Variants in GREM2 observed in about 807,000 individuals in gnomAD.
GREM2 encodes gremlin-2.
Under a neutral mutation model 14.2 loss-of-function variants are expected in GREM2, and 11 were observed. The observed-to-expected ratio is 0.78, with a 90% confidence interval of 0.49 to 1.28. GREM2 has a LOEUF of 1.28. Among genes scored for constraint, GREM2 ranks in the 50% most tolerant of loss-of-function variants. GREM2 has a pLI of 0.00. For missense variants in GREM2, 210 were observed against 218.5 expected, an observed-to-expected ratio of 0.96 and a Z score of 0.24; for synonymous variants, 98 against 97.6, an observed-to-expected ratio of 1.00 and a Z score of -0.02.
At chr1:240,533,194 T>C (rs1678402690) in intron 1 of GREM2, among the ~76,000 whole-genome samples, 1 of 152,086 alleles carries the variant, frequency 6.6e-6, no homozygotes, top group East Asian at 1.9e-4. Flanking sequence ...AAAATGAAAA[T>C]CACTTCCTAT....
intron 1 of GREM2, among the ~76,000 whole-genome samples, chr1:240,555,664 A>T (rs746488973): frequency 6.6e-6 from 1 of 152,216 alleles, no homozygotes; most frequent in Non-Finnish European, 1.5e-5. Flanking sequence ...CATATTTTGG[A>T]TGTAGATGAT....
rs147313929 is a variant in GREM2, at chr1:240,549,277, G to A, written c.-1-55801C>T. Among the ~76,000 whole-genome samples, 118 of 151,518 alleles carry A rather than the reference G, an allele frequency of 7.8e-4. 2 individuals carry two copies. In the East Asian group the frequency reaches 0.015, roughly 19 times the overall value. ...CTTGAACCTGGGAGGCGGAGGTTGC[G>A]GTGAGCCAAGATCACACCATTACAC... On this transcript the variant is annotated intron_variant, in intron 1 of 1. Transcript: ENST00000318160.
intron 1 of GREM2, among the ~76,000 whole-genome samples, chr1:240,521,545 T>C (rs537677462): frequency 1.3e-5 from 2 of 151,862 alleles, no homozygotes. Context: ...CACTCCAGCC[T>C]GGGCGACAGT....
rs949924561 is a variant in GREM2 at position 240,543,479 on chromosome 1, T to C, written c.-1-50003A>G. On this transcript the variant is annotated intron_variant, in intron 1 of 1. Coordinates refer to ENST00000318160, the MANE Select transcript of GREM2 (RefSeq NM_022469.4). The surrounding 1 kb of genome is among the most constrained non-coding windows in gnomAD (Gnocchi z 6.4). Reference sequence around the variant, plus strand: ...ATCAGATCTGGTGAGACTTATTCACTACCATGATAACAGTAGGGGGGAAAC... The same window carrying C: ...ATCAGATCTGGTGAGACTTATTCACCACCATGATAACAGTAGGGGGGAAAC... Among the ~76,000 whole-genome samples the C allele has an allele frequency of 1.6e-4, 24 of 152,232 alleles. No individual in the cohort carries two copies. Among genetic ancestry groups the C allele is most frequent in the African/African-American group, 5.8e-4 (24 of 41,536 alleles).
At chr1:240,547,558 C>T (rs7542032) in intron 1 of GREM2, among the ~76,000 whole-genome samples, 72,813 of 141,998 alleles carry the variant, frequency 0.51, 19,886 homozygotes, top group African/African-American at 0.74. Flanking sequence ...GATAGATAGA[C>T]AGATAGATAT....
intron 1 of GREM2, among the ~76,000 whole-genome samples, chr1:240,568,964 T>C (rs574953682): frequency 6.6e-5 from 10 of 152,166 alleles, no homozygotes; most frequent in East Asian, 5.8e-4. Flanking sequence ...GGTAGGAGGA[T>C]TGCTTGAACC....
intron 1 of GREM2, among the ~76,000 whole-genome samples, chr1:240,521,879 A>C (rs887413618): frequency 1.3e-5 from 2 of 152,068 alleles, no homozygotes; most frequent in African/African-American, 2.4e-5. Flanking sequence ...TGGAAGGCCG[A>C]GGTGGGCAGA....
At position 240,492,130 on chromosome 1, in the gene GREM2, A is replaced by G. The variant is rs544265992; in HGVS notation, c.*839T>C. ...ATGAATAGGTCTATAATACTTTTTAACAGCTCTTTACAATATACGGTCACT... is the reference window on the plus strand; with the variant it reads ...ATGAATAGGTCTATAATACTTTTTAGCAGCTCTTTACAATATACGGTCACT... On this transcript the variant is annotated 3_prime_UTR_variant, in exon 2 of 2. Transcript: ENST00000318160. 2.8e-6 allele frequency: 1 copy of G among 359,916 alleles called. No homozygotes were observed. The highest frequency in any genetic ancestry group is 5.9e-6 in the Non-Finnish European group (1 of 170,452). 22.3% of individuals were successfully genotyped at this position (359,916 alleles called of 1,614,324 possible).
At chr1:240,601,810 G>A (rs1016761534) in intron 1 of GREM2, among the ~76,000 whole-genome samples, 1 of 151,864 alleles carries the variant, frequency 6.6e-6, no homozygotes, top group Non-Finnish European at 1.5e-5. Flanking sequence ...TGGAGGCTGA[G>A]GCAGGAGAAT....
chr1:240,498,283 G>A (rs1677478603), intron 1 of GREM2, among the ~76,000 whole-genome samples: 1 of 152,212 alleles, frequency 6.6e-6, no homozygotes, highest in Admixed American at 6.5e-5. Context: ...TTCAGGAAGG[G>A]GGAAAAGTGG....
intron 1 of GREM2, among the ~76,000 whole-genome samples, chr1:240,566,574 T>C (rs1398066211): frequency 6.6e-6 from 1 of 152,174 alleles, no homozygotes; most frequent in South Asian, 2.1e-4. Context: ...GGTGCAGTGA[T>C]CTTCAGAAAG....
intron 1 of GREM2, among the ~76,000 whole-genome samples, chr1:240,548,675 C>T (rs77080187): frequency 0.011 from 1,599 of 151,738 alleles, 27 homozygotes; most frequent in African/African-American, 0.037. Flanking sequence ...AGAGTGAGTT[C>T]GAGACTAAAG....
At chr1:240,507,299 CCCTT>C (rs1218216201) in intron 1 of GREM2, among the ~76,000 whole-genome samples, 1 of 148,754 alleles carries the variant, frequency 6.7e-6, no homozygotes, top group Non-Finnish European at 1.5e-5. Flanking sequence ...CTCCCTCCCT[CCCTT>C]CCTTCCTTCC....
chr1:240,599,978 C>T (rs2102870040), intron 1 of GREM2, among the ~76,000 whole-genome samples: 1 of 152,278 alleles, frequency 6.6e-6, no homozygotes, highest in East Asian at 1.9e-4. Context: ...ATGATTTCTC[C>T]CCCAGTCTGG....
In GREM2 at chr1:240,542,372, A is replaced by C. The variant is rs1391298478; in HGVS notation, c.-1-48896T>G. Among the ~76,000 whole-genome samples, 3 of 149,934 alleles carry C rather than the reference A, an allele frequency of 2.0e-5. No homozygotes were observed. Among genetic ancestry groups the C allele is most frequent in the African/African-American group, 7.4e-5 (3 of 40,638 alleles). ...CTAATCCCAGTACTTTGGGAGGCCG[A>C]GGTGGGCAGATCACTTGCGGCCAGG... is the stretch of plus-strand genomic sequence containing the variant. On this transcript the variant is annotated intron_variant, in intron 1 of 1. Coordinates refer to ENST00000318160, the MANE Select transcript of GREM2 (RefSeq NM_022469.4). This position sits in a 1 kb window ranked among gnomAD's most constrained non-coding sequence, Gnocchi z 4.1.
chr1:240,603,114 C>T (rs186176069), intron 1 of GREM2, among the ~76,000 whole-genome samples: 6 of 152,092 alleles, frequency 3.9e-5, no homozygotes, highest in Admixed American at 2.0e-4. Flanking sequence ...AATTCCAAGG[C>T]GGTGAATGCG....
At chr1:240,500,260 T>C (rs1677538584) in intron 1 of GREM2, among the ~76,000 whole-genome samples, 1 of 152,144 alleles carries the variant, frequency 6.6e-6, no homozygotes, top group Non-Finnish European at 1.5e-5. Flanking sequence ...CTTTTGCTGC[T>C]CATGTTCTGT....
intron 1 of GREM2, among the ~76,000 whole-genome samples, chr1:240,601,277 C>A (rs1471183972): frequency 6.6e-6 from 1 of 152,178 alleles, no homozygotes; most frequent in African/African-American, 2.4e-5. Flanking sequence ...GATAGTTCCA[C>A]ACAGATAGGA....
At chr1:240,572,139 C>G (rs145109922) in intron 1 of GREM2, among the ~76,000 whole-genome samples, 1 of 152,310 alleles carries the variant, frequency 6.6e-6, no homozygotes, top group African/African-American at 2.4e-5. Flanking sequence ...GCTTCAATTA[C>G]AACTAGAATA....
Sources: allele counts gnomAD v4.1 joint callset (sites outside exome capture counted in the v4.1 genomes callset), GRCh38; gene constraint gnomAD v4.1.1; non-coding constraint Gnocchi (gnomAD v3.1); transcripts MANE v1.5; gene names NCBI Gene and HGNC (gene_info 2026-07-23, HGNC 2026-07-21).